Variants in DGLUCY observed in about 807,000 individuals in gnomAD.
DGLUCY encodes the protein D-glutamate cyclase, mitochondrial.
A neutral mutation model predicts 58.5 loss-of-function variants in DGLUCY; 58 were observed. That is an observed-to-expected ratio of 0.99 (90% CI 0.80 to 1.23). The LOEUF (loss-of-function observed/expected upper bound fraction) is 1.23, where lower values mean the gene tolerates loss of function less well. Among genes scored for constraint, DGLUCY ranks in the 50% most tolerant of loss-of-function variants. DGLUCY has a pLI of 0.00. For missense variants in DGLUCY, 779 were observed against 784.7 expected (o/e 0.99, Z 0.09); for synonymous variants, 325 against 314.1 (o/e 1.03, Z -0.37).
chr14:91,133,224 G>A (rs1233844491), intron 1 of DGLUCY, among the ~76,000 whole-genome samples: 1 of 152,004 alleles, frequency 6.6e-6, no homozygotes, highest in Non-Finnish European at 1.5e-5. Flanking sequence ...GAACCCGGGA[G>A]GTGGAGGTTG....
rs1467562574 is a variant in DGLUCY, at chr14:91,133,068, C to T, written c.-82+18785C>T. Among the ~76,000 whole-genome samples, 10 of 151,988 alleles carry T rather than the reference C, an allele frequency of 6.6e-5. No individual in the cohort carries two copies. In the East Asian group the frequency reaches 7.8e-4, roughly 12 times the overall value. On this transcript the variant is annotated intron_variant, in intron 1 of 13. Transcript: ENST00000256324. ...CAGCACTTTGGAAGGCTGAGGTGGG[C>T]GGATCACTGGAGGTCAGGAGTTTGA...
At chr14:91,082,197 G>C (rs180801950) in intron 1 of DGLUCY, among the ~76,000 whole-genome samples, 1,982 of 152,000 alleles carry the variant, frequency 0.013, 43 homozygotes, top group African/African-American at 0.046. Flanking sequence ...GCATGTAGAG[G>C]GTATTTGTCA....
intron 1 of DGLUCY, among the ~76,000 whole-genome samples, chr14:91,085,557 T>G (rs2031639870): frequency 6.7e-6 from 1 of 149,964 alleles, no homozygotes; most frequent in Non-Finnish European, 1.5e-5. Context: ...CCTTTGTTTT[T>G]TTTTTGTTTT....
chr14:91,197,370 G>A lies in DGLUCY; in HGVS notation c.1295+896G>A, dbSNP rs149358008. Reference sequence around the variant, plus strand: ...TCCACCTGTCTCAGCCTCCCAAAGTGCTGGGATTACAGGTGTGAGCCACTG... The same window carrying A: ...TCCACCTGTCTCAGCCTCCCAAAGTACTGGGATTACAGGTGTGAGCCACTG... On this transcript the variant is annotated intron_variant, in intron 10 of 13. Transcript: ENST00000256324. Among the ~76,000 whole-genome samples, 832 of 152,352 alleles carry A rather than the reference G, an allele frequency of 5.5e-3. 5 individuals are homozygous for A. Among genetic ancestry groups the A allele is most frequent in the African/African-American group, 0.018 (756 of 41,574 alleles).
intron 1 of DGLUCY, among the ~76,000 whole-genome samples, chr14:91,153,459 AG>A (rs1290465418): frequency 6.6e-6 from 1 of 152,218 alleles, no homozygotes; most frequent in Non-Finnish European, 1.5e-5. Flanking sequence ...CTGGGATTGC[AG>A]GCGTGAGGCA....
chr14:91,162,665 G>A (rs554368100), intron 3 of DGLUCY, among the ~76,000 whole-genome samples: 3 of 152,306 alleles, frequency 2.0e-5, no homozygotes, highest in South Asian at 4.1e-4. Flanking sequence ...GAGATGCCAA[G>A]GCAAGTGGAT....
intron 1 of DGLUCY, among the ~76,000 whole-genome samples, chr14:91,082,113 T>C (rs1000319101): frequency 1.3e-5 from 2 of 152,120 alleles, no homozygotes; most frequent in East Asian, 3.8e-4. Flanking sequence ...GAGTTGGAGA[T>C]TGGGGGCATA....
chr14:91,166,652 G>A (rs936866478), intron 3 of DGLUCY, among the ~76,000 whole-genome samples: 4 of 150,720 alleles, frequency 2.7e-5, no homozygotes, highest in East Asian at 2.0e-4. Context: ...GTGACAAAGC[G>A]AGACTCTGTC....
At chr14:91,176,552 G>T (rs950358168) in intron 7 of DGLUCY, among the ~76,000 whole-genome samples, 3 of 152,040 alleles carry the variant, frequency 2.0e-5, no homozygotes, top group Non-Finnish European at 2.9e-5. Context: ...CCCAGGGCTG[G>T]ATCTCCTTAC....
rs58330908 is a variant in DGLUCY, at chr14:91,152,379, A to C, written c.-81-5260A>C. Among the ~76,000 whole-genome samples the C allele has an allele frequency of 3.0e-3, 461 of 152,286 alleles. 4 individuals carry two copies. The highest frequency in any genetic ancestry group is 0.011 in the African/African-American group (439 of 41,562). On this transcript the variant is annotated intron_variant, in intron 1 of 13. Coordinates refer to ENST00000256324, the MANE Select transcript of DGLUCY (RefSeq NM_001102368.3). ...ACTACCTGCACTCCAGCCTGATGAC[A>C]GAGCAAGACCCTGTCTCAAGAAAAA... is the stretch of plus-strand genomic sequence containing the variant.
chr14:91,082,353 G>A (rs112721273), intron 1 of DGLUCY, among the ~76,000 whole-genome samples: 2,384 of 152,200 alleles, frequency 0.016, 54 homozygotes, highest in African/African-American at 0.055. Context: ...AAATGTCTTC[G>A]CTTTGACTCT....
chr14:91,063,857 G>C (rs1449585051), intron 1 of DGLUCY, among the ~76,000 whole-genome samples: 3 of 152,218 alleles, frequency 2.0e-5, no homozygotes, highest in Admixed American at 2.0e-4. Flanking sequence ...ATATAATCGT[G>C]GTAGTATTTT....
Position 91,215,359 on chromosome 14 carries a change from C to T in DGLUCY, c.1565-46C>T, listed in dbSNP as rs754128063. ...CTTCCTAGAGGCAGGCTGACAGACA[C>T]ATGACTTTTCCAACTCCATGATGGA... is the stretch of plus-strand genomic sequence containing the variant. On this transcript the variant is annotated intron_variant, in intron 12 of 13. Transcript: ENST00000256324. 3.8e-6 allele frequency: 6 copies of T among 1,564,536 alleles called. No homozygotes were observed. In the East Asian group the frequency reaches 1.4e-4, roughly 35 times the overall value.
At chr14:91,151,007 G>A (rs1003598233) in intron 1 of DGLUCY, among the ~76,000 whole-genome samples, 2 of 152,104 alleles carry the variant, frequency 1.3e-5, no homozygotes, top group African/African-American at 4.8e-5. Flanking sequence ...CCACCATTCA[G>A]CTTTCCATGT....
chr14:91,209,023 C>G (rs1567010224), intron 12 of DGLUCY, among the ~76,000 whole-genome samples: 1 of 151,998 alleles, frequency 6.6e-6, no homozygotes, highest in Non-Finnish European at 1.5e-5. Context: ...GTGTAGAAGA[C>G]AAAAATGGGG....
upstream of DGLUCY, among the ~76,000 whole-genome samples, chr14:91,110,519 C>T (rs2044676455): frequency 6.7e-6 from 1 of 149,850 alleles, no homozygotes; most frequent in Non-Finnish European, 1.5e-5. Context: ...CAACCTCCGC[C>T]TCCAGGGTTC....
At position 91,218,375 on chromosome 14, in the gene DGLUCY, A is replaced by G. The variant is rs913706686; in HGVS notation, c.1716+2819A>G. On this transcript the variant is annotated intron_variant, in intron 13 of 13. Transcript: ENST00000256324. The stretch of plus-strand genomic sequence containing the variant: ...TCCTTCATAAATCAATTAATAATGT[A>G]CCACCCTTATAAAGAACATAAAATG... Among the ~76,000 whole-genome samples, 4 of 150,610 alleles carry G rather than the reference A, an allele frequency of 2.7e-5. No homozygotes were observed. In the Admixed American group the frequency reaches 2.7e-4, roughly 10 times the overall value.
At chr14:91,100,377 T>C (rs2044466089) in intron 1 of DGLUCY, among the ~76,000 whole-genome samples, 1 of 152,160 alleles carries the variant, frequency 6.6e-6, no homozygotes, top group Admixed American at 6.6e-5. Flanking sequence ...TCAATGCTTG[T>C]CTTGAATGCC....
In DGLUCY at chr14:91,196,485, CG is replaced by C; in HGVS notation, c.1295+12del. The C allele has an allele frequency of 6.2e-7, 1 of 1,609,718 alleles. No individual in the cohort carries two copies. The highest frequency in any genetic ancestry group is 8.5e-7 in the Non-Finnish European group (1 of 1,176,322). The stretch of plus-strand genomic sequence containing the variant: ...CCCGCAGACACCTAGGTACGTATGT[CG>C]CATCCCAGTTTAAGTGGCGGATGGT... On this transcript the variant is annotated intron_variant, in intron 10 of 13. Transcript: ENST00000256324.
Sources: gnomAD v4.1 joint callset for allele counts (sites outside exome capture counted in the v4.1 genomes callset) on GRCh38, gnomAD v4.1.1 for gene constraint, MANE v1.5 for transcripts, NCBI Gene and HGNC (gene_info 2026-07-23, HGNC 2026-07-21) for gene names.